Variants in KCNK12 observed in about 807,000 individuals in gnomAD.
The protein encoded by KCNK12 is potassium two pore domain channel subfamily K member 12, also known as potassium channel subfamily K member 12.
Under a neutral mutation model 25.3 loss-of-function variants are expected in KCNK12, and 6 were observed. That is an observed-to-expected ratio of 0.24 (90% CI 0.13 to 0.47). KCNK12 has a LOEUF of 0.47. Among genes scored for constraint, KCNK12 ranks in the 20% least tolerant of loss-of-function variants. The probability of loss-of-function intolerance (pLI) is 0.99; values close to 1 mark genes in which losing one functional copy is unlikely to be tolerated. For missense variants in KCNK12, 444 were observed against 661.7 expected (o/e 0.67, Z 3.61); for synonymous variants, 331 against 311.1 (o/e 1.06, Z -0.67).
chr2:47,527,366 C>T (rs1668804971), intron 1 of KCNK12, among the ~76,000 whole-genome samples: 1 of 152,226 alleles, frequency 6.6e-6, no homozygotes, highest in Non-Finnish European at 1.5e-5. Flanking sequence ...AAGGTAGACT[C>T]ATAACCTCCC....
rs1229780106 is a variant in KCNK12, at chr2:47,533,199, C to T, written c.392-11391G>A. ...CTAATTTTTGTATTTTTAGTAGAGA[C>T]GGGGTTTTACCATGTTGGCCAGGCT... On this transcript the variant is annotated intron_variant, in intron 1 of 1. Coordinates refer to ENST00000327876, the MANE Select transcript of KCNK12 (RefSeq NM_022055.2). This position sits in a 1 kb window ranked among gnomAD's most constrained non-coding sequence, Gnocchi z 4.7. Among the ~76,000 whole-genome samples the T allele has an allele frequency of 2.2e-5, 3 of 136,668 alleles. No individual in the cohort carries two copies. The highest frequency in any genetic ancestry group is 2.4e-4 in the South Asian group (1 of 4,242). 89.7% of individuals were successfully genotyped at this position (136,668 alleles called of 152,430 possible). A position where few individuals can be genotyped will look rare whatever the true frequency, so the allele number is the denominator to read the frequency against.
chr2:47,521,123 G>C lies in KCNK12; in HGVS notation c.1077C>G (p.Ala359=), dbSNP rs905591364. 42 of 1,274,764 alleles carry C rather than the reference G, an allele frequency of 3.3e-5. No individual in the cohort carries two copies. The highest frequency in any genetic ancestry group is 6.2e-5 in the African/African-American group (4 of 64,514). 79.0% of individuals were successfully genotyped at this position (1,274,764 alleles called of 1,614,324 possible). ...GCTCGCCCGAGAGGCGGCGGCCCTC[G>C]GCGTCGCTGTCGCGGGCCGCGGGGT... is the stretch of plus-strand genomic sequence containing the variant. ...GADPAARDSD[A]EGRRLSGELI... The change falls in exon 2 of 2, where the codon GCC becomes GCG. Residue 359 remains alanine, a synonymous_variant. Transcript: ENST00000327876.
chr2:47,546,683 G>A (rs1244611669), intron 1 of KCNK12, among the ~76,000 whole-genome samples: 1 of 152,080 alleles, frequency 6.6e-6, no homozygotes, highest in African/African-American at 2.4e-5. Flanking sequence ...GAGACTTCTG[G>A]TTCAAGATGA....
At chr2:47,550,874 A>T (rs570161219) in intron 1 of KCNK12, among the ~76,000 whole-genome samples, 54 of 152,246 alleles carry the variant, frequency 3.5e-4, no homozygotes, top group Non-Finnish European at 5.3e-4. Flanking sequence ...CTCACCTGGA[A>T]TATTTCAAAA....
At position 47,511,050 on chromosome 2, in the gene KCNK12, T is replaced by C. The variant is rs1668391274; in HGVS notation, c.*9857A>G. On this transcript the variant is annotated 3_prime_UTR_variant, in exon 2 of 2. Transcript: ENST00000327876. This position sits in a 1 kb window ranked among gnomAD's most constrained non-coding sequence, Gnocchi z 4.3. ...TTCATGTCTCATTGACTGTGTAATC[T>C]CTGTGTGGCCCAGTACAGAGCATGC... 6.6e-6 allele frequency: 1 copy of C among 152,244 alleles called. No individual in the cohort carries two copies. The highest frequency in any genetic ancestry group is 2.4e-5 in the African/African-American group (1 of 41,462). The allele number at this position is 152,244 out of a possible 1,614,324, so 9.4% of individuals were successfully genotyped here.
At position 47,521,007 on chromosome 2, in the gene KCNK12, C is replaced by T; in HGVS notation, c.1193G>A (p.Arg398His). ...QLSETANGYP[R>H]SVCVNTRQNG... The stretch of plus-strand genomic sequence containing the variant: ...CTGGCGCGTGTTGACGCACACGCTG[C>T]GCGGGTAGCCGTTGGCCGTCTCCGA... The change falls in exon 2 of 2, where the codon CGC becomes CAC. Residue 398 changes from arginine (R) to histidine (H), a missense_variant. By Grantham distance (29) the Arg-to-His change is conservative. Around this residue, in one of 8 missense-constraint regions of KCNK12, gnomAD observed 57 missense variants for 68.9 expected, o/e 0.83. Coordinates refer to ENST00000327876, the MANE Select transcript of KCNK12 (RefSeq NM_022055.2). The T allele has an allele frequency of 2.2e-6, 3 of 1,392,830 alleles. No individual in the cohort carries two copies. The highest frequency in any genetic ancestry group is 1.5e-5 in the South Asian group (1 of 64,532). The allele number at this position is 1,392,830 out of a possible 1,614,324, so 86.3% of individuals were successfully genotyped here.
chr2:47,532,449 C>T lies in KCNK12; in HGVS notation c.392-10641G>A, dbSNP rs1169999158. On this transcript the variant is annotated intron_variant, in intron 1 of 1. Transcript: ENST00000327876. Reference sequence around the variant, plus strand: ...TGATCTTAGTTCACTGCAACCTCTGCCCCCTGGGCTCAAGTGATCCTCCTG... The same window carrying T: ...TGATCTTAGTTCACTGCAACCTCTGTCCCCTGGGCTCAAGTGATCCTCCTG... Among the ~76,000 whole-genome samples the T allele has an allele frequency of 2.0e-5, 3 of 152,114 alleles. No homozygotes were observed. The East Asian group carries it at 5.8e-4, about 29-fold the overall frequency.
chr2:47,570,371 G>A lies in KCNK12; in HGVS notation c.-40C>T, dbSNP rs1328153625. On this transcript the variant is annotated 5_prime_UTR_variant, in exon 1 of 2. Transcript: ENST00000327876. Reference sequence around the variant, plus strand: ...CCCCGGGGCCGGGGCGGCGCTCGGGGCCCGGGCCACGACATCCCCCCGGCG... The same window carrying A: ...CCCCGGGGCCGGGGCGGCGCTCGGGACCCGGGCCACGACATCCCCCCGGCG... The A allele has an allele frequency of 9.9e-6, 12 of 1,217,076 alleles. No homozygotes were observed. The highest frequency in any genetic ancestry group is 1.1e-5 in the Non-Finnish European group (11 of 979,798). 75.4% of individuals were successfully genotyped at this position (1,217,076 alleles called of 1,614,324 possible).
intron 1 of KCNK12, among the ~76,000 whole-genome samples, chr2:47,558,758 C>G (rs1419233317): frequency 6.6e-6 from 1 of 152,220 alleles, no homozygotes; most frequent in African/African-American, 2.4e-5. Context: ...TTCCAGAAAG[C>G]TAGGACAACT....
In KCNK12 at chr2:47,517,613, A is replaced by G. The variant is rs550260771; in HGVS notation, c.*3294T>C. Reference sequence around the variant, plus strand: ...GTATATATATATACATATATGCATGATGCTGTGCAAATGCCCAGGGCTGTC... The same window carrying G: ...GTATATATATATACATATATGCATGGTGCTGTGCAAATGCCCAGGGCTGTC... On this transcript the variant is annotated 3_prime_UTR_variant, in exon 2 of 2. Coordinates refer to ENST00000327876, the MANE Select transcript of KCNK12 (RefSeq NM_022055.2). The surrounding 1 kb of genome is among the most constrained non-coding windows in gnomAD (Gnocchi z 4.1). 3 of 152,172 alleles carry G rather than the reference A, an allele frequency of 2.0e-5. No individual in the cohort carries two copies. Among genetic ancestry groups the G allele is most frequent in the African/African-American group, 7.2e-5 (3 of 41,510 alleles). 9.4% of individuals were successfully genotyped at this position (152,172 alleles called of 1,614,324 possible).
Position 47,514,267 on chromosome 2 carries a change from C to T in KCNK12, c.*6640G>A, listed in dbSNP as rs905643325. On this transcript the variant is annotated 3_prime_UTR_variant, in exon 2 of 2. Coordinates refer to ENST00000327876, the MANE Select transcript of KCNK12 (RefSeq NM_022055.2). This position sits in a 1 kb window ranked among gnomAD's most constrained non-coding sequence, Gnocchi z 5.0. Reference sequence around the variant, plus strand: ...CTACCCAGGCTGGGTGGCTGCCTCTCTTTGGTGTGCCCATGGCAGCCCAGA... The same window carrying T: ...CTACCCAGGCTGGGTGGCTGCCTCTTTTTGGTGTGCCCATGGCAGCCCAGA... Among the ~76,000 whole-genome samples the T allele has an allele frequency of 6.6e-6, 1 of 152,232 alleles. No homozygotes were observed. The highest frequency in any genetic ancestry group is 6.5e-5 in the Admixed American group (1 of 15,292).
intron 1 of KCNK12, among the ~76,000 whole-genome samples, chr2:47,541,654 A>T (rs906970350): frequency 3.3e-5 from 5 of 152,166 alleles, no homozygotes; most frequent in Admixed American, 3.3e-4. Flanking sequence ...AAACGAGGCC[A>T]TTAGGGTGAG....
chr2:47,529,609 A>C lies in KCNK12; in HGVS notation c.392-7801T>G, dbSNP rs1410121462. The stretch of plus-strand genomic sequence containing the variant: ...AGACTGAACTCCAGGAATGGGCTCT[A>C]TTAGTCTAGGCCAATCAGGATAATC... On this transcript the variant is annotated intron_variant, in intron 1 of 1. Coordinates refer to ENST00000327876, the MANE Select transcript of KCNK12 (RefSeq NM_022055.2). The surrounding 1 kb of genome is among the most constrained non-coding windows in gnomAD (Gnocchi z 4.3). Among the ~76,000 whole-genome samples the C allele has an allele frequency of 3.3e-5, 5 of 152,212 alleles. No homozygotes were observed. In the East Asian group the frequency reaches 9.6e-4, roughly 29 times the overall value.
Position 47,512,489 on chromosome 2 carries a change from C to G in KCNK12, c.*8418G>C. On this transcript the variant is annotated 3_prime_UTR_variant, in exon 2 of 2. Coordinates refer to ENST00000327876, the MANE Select transcript of KCNK12 (RefSeq NM_022055.2). ...TTTCATTTGTAATTCTACAAACATC[C>G]CTTCTGTAAACATTTCCCTCAAAAT... 1.3e-6 allele frequency: 2 copies of G among 1,514,934 alleles called. No individual in the cohort carries two copies. Among genetic ancestry groups the G allele is most frequent in the Non-Finnish European group, 8.9e-7 (1 of 1,125,376 alleles). 93.8% of individuals were successfully genotyped at this position (1,514,934 alleles called of 1,614,324 possible).
rs1420772204 is a variant in KCNK12, at chr2:47,565,553, A to T, written c.391+4388T>A. On this transcript the variant is annotated intron_variant, in intron 1 of 1. Coordinates refer to ENST00000327876, the MANE Select transcript of KCNK12 (RefSeq NM_022055.2). The surrounding 1 kb of genome is among the most constrained non-coding windows in gnomAD (Gnocchi z 5.0). Reference sequence around the variant, plus strand: ...TATAGCTAAAAAACGCTGCCAGAAAACCTAATAAAAGGAAGCAAAAATATT... The same window carrying T: ...TATAGCTAAAAAACGCTGCCAGAAATCCTAATAAAAGGAAGCAAAAATATT... The T allele has an allele frequency of 6.6e-6, 1 of 152,156 alleles. No homozygotes were observed. Among genetic ancestry groups the T allele is most frequent in the Non-Finnish European group, 1.5e-5 (1 of 68,026 alleles). The allele number at this position is 152,156 out of a possible 1,614,324, so 9.4% of individuals were successfully genotyped here.
rs1409461954 is a variant in KCNK12, at chr2:47,528,149, G to C, written c.392-6341C>G. On this transcript the variant is annotated intron_variant, in intron 1 of 1. Coordinates refer to ENST00000327876, the MANE Select transcript of KCNK12 (RefSeq NM_022055.2). This position sits in a 1 kb window ranked among gnomAD's most constrained non-coding sequence, Gnocchi z 4.5. The stretch of plus-strand genomic sequence containing the variant: ...AGGCCCCAAATGATGCTAAATACTA[G>C]ACTAGCTGTGTAACACCATCTGCCC... Among the ~76,000 whole-genome samples the C allele has an allele frequency of 6.6e-6, 1 of 152,178 alleles. No homozygotes were observed. Among genetic ancestry groups the C allele is most frequent in the Non-Finnish European group, 1.5e-5 (1 of 68,034 alleles).
At position 47,570,214 on chromosome 2, in the gene KCNK12, C is replaced by A; in HGVS notation, c.118G>T (p.Val40Leu). 1 of 1,492,838 alleles carries A rather than the reference C, an allele frequency of 6.7e-7. No homozygotes were observed. The allele number at this position is 1,492,838 out of a possible 1,614,324, so 92.5% of individuals were successfully genotyped here. Residue 40 changes from valine to leucine, a missense_variant, in exon 1 of 2, where the codon GTG (valine) becomes TTG (leucine). Physicochemically the swap from Val to Leu is conservative, Grantham distance 32. Coordinates refer to ENST00000327876, the MANE Select transcript of KCNK12 (RefSeq NM_022055.2). ...AGGCCGATGAGCGCCGCCAGCAGCACGAAGCGGCCGGTGTCCTCGTTGAGG... is the reference window on the plus strand; with the variant it reads ...AGGCCGATGAGCGCCGCCAGCAGCAAGAAGCGGCCGGTGTCCTCGTTGAGG... Reference protein sequence around the residue: ...SHLNEDTGRFVLLAALIGLYL... With the variant: ...SHLNEDTGRFLLLAALIGLYL...
rs1668647537 is a variant in KCNK12, at chr2:47,521,223, C to T, written c.977G>A (p.Gly326Asp). 2 of 1,587,798 alleles carry T rather than the reference C, an allele frequency of 1.3e-6. No individual in the cohort carries two copies. The highest frequency in any genetic ancestry group is 1.7e-6 in the Non-Finnish European group (2 of 1,167,582). The change falls in exon 2 of 2, where the codon GGC (glycine) becomes GAC (aspartate). Residue 326 changes from glycine to aspartate, a missense_variant. This residue lies in a region of KCNK12 where 69 missense variants were observed against 81.7 expected (regional missense o/e 0.84). Coordinates refer to ENST00000327876, the MANE Select transcript of KCNK12 (RefSeq NM_022055.2). Reference sequence around the variant, plus strand: ...GGCATTGCGCCGGGCCAGGGGCGCGCCAGGAGCCGGGCAGCAGCGCGCGCA... The same window carrying T: ...GGCATTGCGCCGGGCCAGGGGCGCGTCAGGAGCCGGGCAGCAGCGCGCGCA... Reference protein sequence around the residue: ...RCCARCCPAPGAPLARRNAIT... With the variant: ...RCCARCCPAPDAPLARRNAIT...
chr2:47,559,937 G>A lies in KCNK12; in HGVS notation c.391+10004C>T, dbSNP rs112270404. ...ATATGTAACAGCCTAGAGGCTTAAA[G>A]TGCGAGGTAAGGGGGACAGAAGTTA... On this transcript the variant is annotated intron_variant, in intron 1 of 1. Coordinates refer to ENST00000327876, the MANE Select transcript of KCNK12 (RefSeq NM_022055.2). Among the ~76,000 whole-genome samples, 8 of 152,356 alleles carry A rather than the reference G, an allele frequency of 5.3e-5. 1 individual carries two copies. The highest frequency in any genetic ancestry group is 1.7e-4 in the African/African-American group (7 of 41,576).
Sources: gnomAD v4.1 joint callset for allele counts (sites outside exome capture counted in the v4.1 genomes callset) on GRCh38, gnomAD v4.1.1 for gene constraint, gnomAD v4.1.1 regional missense constraint, Gnocchi (gnomAD v3.1) non-coding constraint, MANE v1.5 for transcripts, NCBI Gene and HGNC (gene_info 2026-07-23, HGNC 2026-07-21) for gene names.